The following PSG6 variants were observed in gnomAD, a reference collection of about 807,000 sequenced individuals.
The protein encoded by PSG6 is pregnancy specific beta-1-glycoprotein 6.
Under a neutral mutation model 43.3 loss-of-function variants are expected in PSG6, and 51 were observed. The ratio of observed to expected loss-of-function variants is 1.18; its 90% CI spans 0.94 to 1.49. PSG6 has a LOEUF of 1.49. PSG6 is among the 40% of genes most tolerant of loss of function. The probability of loss-of-function intolerance (pLI) is 0.00; values close to 1 mark genes in which losing one functional copy is unlikely to be tolerated. For missense variants in PSG6, 770 were observed against 522.2 expected, an observed-to-expected ratio of 1.47 and a Z score of -4.62; for synonymous variants, 292 against 197.6, an observed-to-expected ratio of 1.48 and a Z score of -4.01.
chr19:42,913,875 T>A (rs1972273728), intron 2 of PSG6, among the ~76,000 whole-genome samples: 1 of 151,504 alleles, frequency 6.6e-6, no homozygotes, highest in Admixed American at 6.6e-5. Context: ...CAGTACTCAT[T>A]TTTTAGTCCT....
intron 4 of PSG6, among the ~76,000 whole-genome samples, 173 bp downstream of exon 4, chr19:42,907,403 T>C (rs1241166372): frequency 6.6e-6 from 1 of 151,868 alleles, no homozygotes; most frequent in Non-Finnish European, 1.5e-5. Context: ...CCTTATATTC[T>C]TGGTTAAGGC....
chr19:42,907,980 T>C lies in PSG6; in HGVS notation c.707-126A>G, dbSNP rs764875175. ...TCCTTGAAAGCCAGTAGCTGGTGCATGTGTCACAAGACAGATGTATGATGA... is the reference window on the plus strand; with the variant it reads ...TCCTTGAAAGCCAGTAGCTGGTGCACGTGTCACAAGACAGATGTATGATGA... On this transcript the variant is annotated intron_variant, in intron 3 of 5. Transcript: ENST00000187910. 1.3e-5 allele frequency: 18 copies of C among 1,389,962 alleles called. 1 individual carries two copies. In the East Asian group the frequency reaches 3.0e-4, roughly 23 times the overall value. 86.1% of individuals were successfully genotyped at this position (1,389,962 alleles called of 1,614,324 possible). A position where few individuals can be genotyped will look rare whatever the true frequency, so the allele number is the denominator to read the frequency against.
At chr19:42,903,389 C>G (rs148997354) in intron 5 of PSG6, among the ~76,000 whole-genome samples, 1 of 150,484 alleles carries the variant, frequency 6.6e-6, no homozygotes, top group East Asian at 1.9e-4. Flanking sequence ...CTTCAGGATA[C>G]GAAAGAAGAA....
chr19:42,906,444 A>T (rs111959114), intron 5 of PSG6, among the ~76,000 whole-genome samples: 3,600 of 151,560 alleles, frequency 0.024, 199 homozygotes, highest in African/African-American at 0.082. Flanking sequence ...CCCGGAGCAG[A>T]GCAGGAAGCA....
intron 3 of PSG6, 42 bp from the exon 4 acceptor site, chr19:42,907,896 T>C: frequency 6.2e-7 from 1 of 1,602,298 alleles, no homozygotes; most frequent in Non-Finnish European, 8.5e-7. Flanking sequence ...GCACCTTTGA[T>C]TCCTCCACAG....
chr19:42,907,907 G>A (rs765453422), intron 3 of PSG6, 53 bp from the exon 4 acceptor site: 54 of 1,593,110 alleles, frequency 3.4e-5, no homozygotes, highest in East Asian at 4.5e-5. Context: ...TCCTCCACAG[G>A]CATCCTTCAT....
At chr19:42,913,245 G>T (rs1296661605) in intron 2 of PSG6, among the ~76,000 whole-genome samples, 2 of 151,392 alleles carry the variant, frequency 1.3e-5, no homozygotes, top group African/African-American at 4.9e-5. Context: ...CCACCTCCTG[G>T]GTTCATGCCA....
rs1247875494 is a variant in PSG6, at chr19:42,916,223, T to G, written c.329A>C (p.Asn110Thr). 1 of 1,612,156 alleles carries G rather than the reference T, an allele frequency of 6.2e-7. No homozygotes were observed. Among genetic ancestry groups the G allele is most frequent in the African/African-American group, 1.3e-5 (1 of 74,716 alleles). ...GGATCCTGCATCCTCCTGTGTGACA[T>G]TCTGGATCAGCAGGGATGCATTGGA... ...VYSNASLLIQ[N>T]VTQEDAGSYT... The change falls in exon 2 of 6, where the codon AAT becomes ACT. Residue 110 changes from asparagine to threonine, a missense_variant. Coordinates refer to ENST00000187910, the MANE Select transcript of PSG6 (RefSeq NM_001031850.4).
chr19:42,917,121 T>A (rs894594314), intron 1 of PSG6, among the ~76,000 whole-genome samples: 11 of 151,390 alleles, frequency 7.3e-5, no homozygotes, highest in Admixed American at 1.3e-4. Context: ...GGAAAGTGTT[T>A]CATGCCCTGG....
rs1972124652 is a variant in PSG6, at chr19:42,906,996, C to A, written c.1166G>T (p.Gly389Val). The A allele has an allele frequency of 1.2e-6, 2 of 1,612,372 alleles. No individual in the cohort carries two copies. The highest frequency in any genetic ancestry group is 1.1e-5 in the South Asian group (1 of 90,836). ...FIPQITTNHS[G>V]LYACSVRNSA... The stretch of plus-strand genomic sequence containing the variant: ...GTTACGAACAGAGCAAGCATAGAGC[C>A]CGCTATGATTTGTAGTAATTTGGGG... The change falls in exon 5 of 6, where the codon GGG (glycine) becomes GTG (valine). Residue 389 changes from glycine to valine, a missense_variant. By Grantham distance (109) the Gly-to-Val change is moderately radical. Coordinates refer to ENST00000187910, the MANE Select transcript of PSG6 (RefSeq NM_001031850.4).
rs1972369704 is a variant in PSG6, at chr19:42,917,870, G to A, written c.-78C>T. Reference sequence around the variant, plus strand: ...GACTTCCTGAGCAGGGCTGTCAGGTGTGCTGTCCTTCCTCCTTCTGTGCTG... The same window carrying A: ...GACTTCCTGAGCAGGGCTGTCAGGTATGCTGTCCTTCCTCCTTCTGTGCTG... On this transcript the variant is annotated 5_prime_UTR_variant, in exon 1 of 6. Coordinates refer to ENST00000187910, the MANE Select transcript of PSG6 (RefSeq NM_001031850.4). 1 of 1,530,466 alleles carries A rather than the reference G, an allele frequency of 6.5e-7. No individual in the cohort carries two copies. Among genetic ancestry groups the A allele is most frequent in the African/African-American group, 1.4e-5 (1 of 72,656 alleles). The allele number at this position is 1,530,466 out of a possible 1,614,324, so 94.8% of individuals were successfully genotyped here.
chr19:42,903,809 C>A (rs1972071912), intron 5 of PSG6: 3 of 1,419,636 alleles, frequency 2.1e-6, no homozygotes, highest in Admixed American at 2.8e-5. Flanking sequence ...AGGAGAATTG[C>A]TTGAGCCCAG....
At chr19:42,917,690 TTCC>T (rs1568449263) in intron 1 of PSG6, 36 bp downstream of exon 1, 1 of 1,604,942 alleles carries the variant, frequency 6.2e-7, no homozygotes, top group East Asian at 2.2e-5. Context: ...GTCACTCTGC[TTCC>T]TCCTCCTGTC....
chr19:42,902,854 C>T (rs1354447280), intron 5 of PSG6, among the ~76,000 whole-genome samples: 1 of 151,466 alleles, frequency 6.6e-6, no homozygotes, highest in Non-Finnish European at 1.5e-5. Context: ...TTTTCTTTCT[C>T]TCCCACAATT....
Position 42,902,322 on chromosome 19 carries a change from C to T in PSG6, c.*90G>A, listed in dbSNP as rs1972046890. 1 of 1,432,518 alleles carries T rather than the reference C, an allele frequency of 7.0e-7. No individual in the cohort carries two copies. Among genetic ancestry groups the T allele is most frequent in the Non-Finnish European group, 9.7e-7 (1 of 1,035,430 alleles). The allele number at this position is 1,432,518 out of a possible 1,614,324, so 88.7% of individuals were successfully genotyped here. ...AACATTATCCTTTTGATTATTTAGT[C>T]CAATAACATTGAGTTTTTTTCTTCT... On this transcript the variant is annotated 3_prime_UTR_variant, in exon 6 of 6. Transcript: ENST00000187910.
At chr19:42,914,228 C>T (rs1027164504) in intron 2 of PSG6, among the ~76,000 whole-genome samples, 1 of 151,262 alleles carries the variant, frequency 6.6e-6, no homozygotes, top group Admixed American at 6.6e-5. Context: ...CGAGAGGAAG[C>T]CTGGCAGGAG....
At chr19:42,903,279 CAG>C (rs1332460080) in intron 5 of PSG6, among the ~76,000 whole-genome samples, 4 of 151,574 alleles carry the variant, frequency 2.6e-5, no homozygotes, top group Middle Eastern at 3.2e-3. Flanking sequence ...GGTGAGGAAT[CAG>C]GGGTTCAGAG....
rs759655641 is a variant in PSG6, at chr19:42,916,290, T to A, written c.262A>T (p.Ile88Phe). 6.2e-7 allele frequency: 1 copy of A among 1,612,124 alleles called. No homozygotes were observed. The highest frequency in any genetic ancestry group is 8.5e-7 in the Non-Finnish European group (1 of 1,179,120). Residue 88 changes from isoleucine to phenylalanine, a missense_variant, in exon 2 of 6, where the codon ATT becomes TTT. Physicochemically the swap from Ile to Phe is conservative, Grantham distance 21 (BLOSUM62 0). Coordinates refer to ENST00000187910, the MANE Select transcript of PSG6 (RefSeq NM_001031850.4). Reference protein sequence around the residue: ...YITSYVVHGQIIYGPAYSGRE... With the variant: ...YITSYVVHGQFIYGPAYSGRE... Reference sequence around the variant, plus strand: ...CCACTGTAGGCAGGCCCATATATAATTTGACCGTGTACTACATATGATGTA... The same window carrying A: ...CCACTGTAGGCAGGCCCATATATAAATTGACCGTGTACTACATATGATGTA...
rs778847615 is a variant in PSG6, at chr19:42,916,372, C to T, written c.180G>A (p.Gln60=). The change falls in exon 2 of 6, where the codon CAG becomes CAA. Residue 60 remains glutamine (Q), a synonymous_variant. Transcript: ENST00000187910. ...DVLLLVHNLP[Q]NLTGYIWYKG... is the part of the protein sequence containing the mutation. ...TGTACCAGATGTAGCCAGTAAGATTCTGGGGCAAATTGTGGACAAGTAGAA... is the reference window on the plus strand; with the variant it reads ...TGTACCAGATGTAGCCAGTAAGATTTTGGGGCAAATTGTGGACAAGTAGAA... 21 of 1,612,048 alleles carry T rather than the reference C, an allele frequency of 1.3e-5. No individual in the cohort carries two copies. The Admixed American group carries it at 3.5e-4, about 27-fold the overall frequency.
Sources: gnomAD v4.1 joint callset for allele counts (sites outside exome capture counted in the v4.1 genomes callset) on GRCh38, gnomAD v4.1.1 for gene constraint, MANE v1.5 for transcripts, NCBI Gene and HGNC (gene_info 2026-07-23, HGNC 2026-07-21) for gene names.